Variants in SEMA6D observed in about 807,000 individuals in gnomAD.
SEMA6D encodes semaphorin 6D, also known as semaphorin-6D.
In SEMA6D, 35 loss-of-function variants were observed where a neutral mutation model predicts 106.6. The ratio of observed to expected loss-of-function variants is 0.33; its 90% confidence interval spans 0.25 to 0.44. SEMA6D has a LOEUF of 0.44. Among genes scored for constraint, SEMA6D ranks in the 20% least tolerant of loss-of-function variants. SEMA6D has a pLI of 1.00. For synonymous variants in SEMA6D, 499 were observed against 487.7 expected, an observed-to-expected ratio of 1.02 and a Z score of -0.31; for missense variants, 1,185 against 1,345.9, an observed-to-expected ratio of 0.88 and a Z score of 1.87.
chr15:47,599,554 C>CA (rs936653371), intron 3 of SEMA6D, among the ~76,000 whole-genome samples: 14 of 151,800 alleles, frequency 9.2e-5, no homozygotes, highest in African/African-American at 3.4e-4. Context: ...AATATGAGTA[C>CA]ATTTGGAACT....
intron 4 of SEMA6D, among the ~76,000 whole-genome samples, chr15:47,606,662 C>G (rs985688609): frequency 1.3e-5 from 2 of 152,104 alleles, no homozygotes; most frequent in African/African-American, 4.8e-5. Flanking sequence ...ATTTTTCTTC[C>G]TTTATCCACA....
chr15:47,354,158 A>G (rs2038444871), intron 1 of SEMA6D, among the ~76,000 whole-genome samples: 1 of 147,896 alleles, frequency 6.8e-6, no homozygotes, highest in South Asian at 2.1e-4. Context: ...AAGAGCTTAT[A>G]TATATGGAAT....
At chr15:47,346,891 A>G (rs1021977236) in intron 1 of SEMA6D, among the ~76,000 whole-genome samples, 3 of 151,770 alleles carry the variant, frequency 2.0e-5, no homozygotes, top group Non-Finnish European at 2.9e-5. Context: ...CCACTGAAGT[A>G]TATTTCTTTT....
intron 3 of SEMA6D, among the ~76,000 whole-genome samples, chr15:47,482,584 A>G (rs1219652917): frequency 6.6e-6 from 1 of 152,168 alleles, no homozygotes; most frequent in Non-Finnish European, 1.5e-5. Flanking sequence ...CATTAATAAA[A>G]TGGCATTCAT....
At chr15:47,563,923 C>T (rs755897539) in intron 3 of SEMA6D, among the ~76,000 whole-genome samples, 7 of 152,212 alleles carry the variant, frequency 4.6e-5, no homozygotes, top group Admixed American at 2.0e-4. Context: ...TTCCTTCCTA[C>T]TCCCAGACAA....
chr15:47,432,669 T>C (rs1478561631), intron 2 of SEMA6D, among the ~76,000 whole-genome samples: 2 of 146,868 alleles, frequency 1.4e-5, no homozygotes, highest in African/African-American at 5.0e-5. Flanking sequence ...GTGACTTGAC[T>C]TGGTCTGAGA....
At chr15:47,275,214 G>A (rs759062940) in intron 1 of SEMA6D, 3 of 152,084 alleles carry the variant, frequency 2.0e-5, no homozygotes, top group Non-Finnish European at 4.4e-5. Context: ...AGCAAGAGAT[G>A]CAATCACCTT....
At position 47,678,733 on chromosome 15, in the gene SEMA6D, G is replaced by C. The variant is rs1050785850; in HGVS notation, c.-55+77837G>C. On this transcript the variant is annotated intron_variant, in intron 4 of 19. Coordinates refer to the SEMA6D transcript ENST00000558014. ...CTAAGATTTATTTAGTCCTTTCTAT[G>C]TGTTGGGCTCTGTGTGAGGCACTTT... Among the ~76,000 whole-genome samples the C allele has an allele frequency of 2.6e-5, 4 of 151,422 alleles. No homozygotes were observed. In the East Asian group the frequency reaches 7.7e-4, roughly 29 times the overall value.
chr15:47,208,045 A>G (rs1895226384), intron 1 of SEMA6D, among the ~76,000 whole-genome samples: 1 of 137,650 alleles, frequency 7.3e-6, no homozygotes, highest in Admixed American at 7.3e-5. Flanking sequence ...ACACACACAC[A>G]CACACTACTG....
intron 4 of SEMA6D, among the ~76,000 whole-genome samples, chr15:47,639,425 T>C (rs527767156): frequency 4.2e-4 from 64 of 152,304 alleles, no homozygotes; most frequent in African/African-American, 1.4e-3. Context: ...ATTAATAAAC[T>C]GGAAATAAGA....
At chr15:47,679,863 C>A (rs143338287) in intron 4 of SEMA6D, among the ~76,000 whole-genome samples, 28 of 152,236 alleles carry the variant, frequency 1.8e-4, no homozygotes, top group African/African-American at 6.7e-4. Context: ...AACTGGAGAT[C>A]CAGTTGCTTT....
At chr15:47,622,416 T>G (rs1361827441) in intron 4 of SEMA6D, among the ~76,000 whole-genome samples, 1 of 152,116 alleles carries the variant, frequency 6.6e-6, no homozygotes, top group African/African-American at 2.4e-5. Context: ...AGCCAGGAAA[T>G]TCAGCCTATC....
At chr15:47,281,350 C>A (rs373642037) in intron 1 of SEMA6D, among the ~76,000 whole-genome samples, 3,700 of 131,888 alleles carry the variant, frequency 0.028, 64 homozygotes, top group Middle Eastern at 0.053. Context: ...TGGATTGCAA[C>A]CCCTGCCTTT....
At chr15:47,691,651 A>G (rs1760835153) in intron 4 of SEMA6D, among the ~76,000 whole-genome samples, 2 of 152,264 alleles carry the variant, frequency 1.3e-5, no homozygotes, top group South Asian at 2.1e-4. Context: ...CTTAATTAAA[A>G]GTATTAGCCG....
intron 3 of SEMA6D, among the ~76,000 whole-genome samples, chr15:47,488,814 A>AT (rs2043376054): frequency 6.6e-6 from 1 of 152,164 alleles, no homozygotes; most frequent in Non-Finnish European, 1.5e-5. Flanking sequence ...ACAGTGAGAT[A>AT]AGGACTGAGA....
At chr15:47,475,581 G>GT (rs2042980124) in intron 3 of SEMA6D, among the ~76,000 whole-genome samples, 1 of 152,158 alleles carries the variant, frequency 6.6e-6, no homozygotes, top group African/African-American at 2.4e-5. Flanking sequence ...TTAAATCATT[G>GT]TAAGAGAGCT....
intron 4 of SEMA6D, among the ~76,000 whole-genome samples, chr15:47,616,338 T>A (rs2077006196): frequency 6.6e-6 from 1 of 151,770 alleles, no homozygotes. Context: ...CCTGGCTAAT[T>A]TTTTTGTATT....
chr15:47,519,411 C>T (rs1348573213), intron 3 of SEMA6D, among the ~76,000 whole-genome samples: 1 of 152,012 alleles, frequency 6.6e-6, no homozygotes, highest in Non-Finnish European at 1.5e-5. Flanking sequence ...CCATCATTGA[C>T]CAAAATATTA....
In SEMA6D at chr15:47,409,901, G is replaced by T. The variant is rs144193917; in HGVS notation, c.-238-2492G>T. Reference sequence around the variant, plus strand: ...TTTGCAAACTATTTTCGGGGTTGTGGGGGGGGTGGGGAGGCAGGTCTTAGA... The same window carrying T: ...TTTGCAAACTATTTTCGGGGTTGTGTGGGGGGTGGGGAGGCAGGTCTTAGA... On this transcript the variant is annotated intron_variant, in intron 1 of 19. Coordinates refer to the SEMA6D transcript ENST00000558014. Among the ~76,000 whole-genome samples the T allele has an allele frequency of 2.9e-3, 434 of 152,024 alleles. 4 individuals carry two copies. Among genetic ancestry groups the T allele is most frequent in the African/African-American group, 0.01 (418 of 41,488 alleles).
Sources: allele counts gnomAD v4.1 joint callset (sites outside exome capture counted in the v4.1 genomes callset), GRCh38; gene constraint gnomAD v4.1.1; transcripts MANE v1.5; gene names NCBI Gene and HGNC (gene_info 2026-07-23, HGNC 2026-07-21).